SPHK1: variants seen among roughly 807,000 people sequenced by gnomAD.
The protein encoded by SPHK1 is sphingosine kinase 1.
Under a neutral mutation model 14.6 loss-of-function variants are expected in SPHK1, and 10 were observed. The observed-to-expected ratio is 0.68, with a 90% confidence interval of 0.42 to 1.16. The LOEUF is 1.16. Ranked by LOEUF, SPHK1 falls within the 50% of genes most tolerant of loss-of-function variation. SPHK1 has a pLI of 0.00. For missense variants in SPHK1, 553 were observed against 525.4 expected, an observed-to-expected ratio of 1.05 and a Z score of -0.51; for synonymous variants, 274 against 224.0, an observed-to-expected ratio of 1.22 and a Z score of -1.99.
chr17:76,383,939 G>A (rs868758039), upstream of SPHK1: 3 of 1,152,026 alleles, frequency 2.6e-6, no homozygotes, highest in Middle Eastern at 7.6e-4. Context: ...CCTGTCGCCT[G>A]CTCTACCCGG....
At position 76,385,992 on chromosome 17, in the gene SPHK1, C is replaced by T. The variant is rs2071971851; in HGVS notation, c.18C>T (p.Gly6=). 4 of 1,598,394 alleles carry T rather than the reference C, an allele frequency of 2.5e-6. No homozygotes were observed. Among genetic ancestry groups the T allele is most frequent in the Non-Finnish European group, 3.4e-6 (4 of 1,171,630 alleles). ...TTGGTTTTGTTTTCTCAGCGGGCGGCCCCCGGGGCGTGCTCCCGCGGCCCT... is the reference window on the plus strand; with the variant it reads ...TTGGTTTTGTTTTCTCAGCGGGCGGTCCCCGGGGCGTGCTCCCGCGGCCCT... MDPAG[G]PRGVLPRPCR... is the part of the protein sequence containing the mutation. Residue 6 remains glycine, a synonymous_variant, in exon 3 of 6, where the codon GGC becomes GGT. Transcript: ENST00000592299. This position sits in a 1 kb window ranked among gnomAD's most constrained non-coding sequence, Gnocchi z 5.3.
intron 1 of SPHK1, 181 bp downstream of exon 1, chr17:76,384,987 C>A: frequency 1.7e-6 from 2 of 1,207,656 alleles, no homozygotes; most frequent in Non-Finnish European, 2.2e-6. Context: ...CGCGTCGCAA[C>A]GGAGCGGGGC....
chr17:76,383,888 A>G, upstream of SPHK1: 1 of 1,263,148 alleles, frequency 7.9e-7, no homozygotes, highest in Non-Finnish European at 1.0e-6. Context: ...CCCCAGGCCC[A>G]TCTACACTGT....
Position 76,385,809 on chromosome 17 carries a change from G to T in SPHK1, c.10+155G>T. 7.1e-7 allele frequency: 1 copy of T among 1,415,680 alleles called. No homozygotes were observed. The highest frequency in any genetic ancestry group is 9.6e-7 in the Non-Finnish European group (1 of 1,038,700). The allele number at this position is 1,415,680 out of a possible 1,614,324, so 87.7% of individuals were successfully genotyped here. On this transcript the variant is annotated intron_variant, in intron 2 of 5. Transcript: ENST00000592299. The surrounding 1 kb of genome is among the most constrained non-coding windows in gnomAD (Gnocchi z 5.3). ...GCCGGCCGAATCTGAGCCAAGGAAG[G>T]GGGTGGCAGGGGCGCCGCGTCCCCA...
Position 76,385,895 on chromosome 17 carries a change from G to T in SPHK1, c.11-90G>T. On this transcript the variant is annotated intron_variant, in intron 2 of 5. Coordinates refer to ENST00000592299, the MANE Select transcript of SPHK1 (RefSeq NM_001142601.2). The surrounding 1 kb of genome is among the most constrained non-coding windows in gnomAD (Gnocchi z 5.3). ...AGGGTCAATTACCGGGGTGTTTCGG[G>T]CACCAAGTTCCCACACTAGTGCCCC... 6.7e-7 allele frequency: 1 copy of T among 1,499,964 alleles called. No individual in the cohort carries two copies. The allele number at this position is 1,499,964 out of a possible 1,614,324, so 92.9% of individuals were successfully genotyped here.
upstream of SPHK1, chr17:76,383,534 G>A: frequency 7.4e-6 from 2 of 271,424 alleles, no homozygotes; most frequent in South Asian, 5.3e-5. Context: ...AGAGAGGTGT[G>A]TGGGGGCGGG....
chr17:76,383,492 G>T (rs754929189), upstream of SPHK1: 17 of 232,488 alleles, frequency 7.3e-5, no homozygotes, highest in Non-Finnish European at 1.2e-4. Flanking sequence ...GCTCCTCCTG[G>T]ACCTGCCTCT....
At chr17:76,384,539 G>T (rs1430333314), upstream of SPHK1, 2 of 151,142 alleles carry the variant, frequency 1.3e-5, no homozygotes, top group Non-Finnish European at 3.0e-5. Context: ...GCGGGCAGAG[G>T]CCGAGGCCGC....
At chr17:76,384,136 G>A (rs573221824), upstream of SPHK1, 7 of 171,264 alleles carry the variant, frequency 4.1e-5, no homozygotes, top group South Asian at 6.8e-4. Flanking sequence ...CTAGGGCAGA[G>A]CGCGCAAAAG....
In SPHK1 at chr17:76,387,040, G is replaced by A; in HGVS notation, c.609G>A (p.Leu203=). ...TLGTFLRLAA[L]RTYRGRLAYL... ...GCACCTTCCTGCGTCTGGCAGCCCT[G>A]CGCACCTACCGCGGCCGACTGGCCT... Residue 203 remains leucine, a synonymous_variant, in exon 6 of 6, where the codon CTG becomes CTA. Transcript: ENST00000592299. This position sits in a 1 kb window ranked among gnomAD's most constrained non-coding sequence, Gnocchi z 4.1. 1 of 1,613,614 alleles carries A rather than the reference G, an allele frequency of 6.2e-7. No homozygotes were observed. The highest frequency in any genetic ancestry group is 8.5e-7 in the Non-Finnish European group (1 of 1,180,032).
chr17:76,385,546 G>A lies in SPHK1; in HGVS notation c.-99G>A, dbSNP rs765621207. ...CAGCCGGCCCTGCGACGCCCGCCTG[G>A]GCAGCACCGATAAGGAGCTGAAGGC... On this transcript the variant is annotated 5_prime_UTR_variant, in exon 2 of 6. It introduces an in-frame stop codon into an upstream open reading frame of the 5' UTR. Coordinates refer to ENST00000592299, the MANE Select transcript of SPHK1 (RefSeq NM_001142601.2). This position sits in a 1 kb window ranked among gnomAD's most constrained non-coding sequence, Gnocchi z 5.3. The A allele has an allele frequency of 1.3e-6, 2 of 1,540,348 alleles. No individual in the cohort carries two copies. Among genetic ancestry groups the A allele is most frequent in the South Asian group, 1.2e-5 (1 of 84,564 alleles).
Position 76,386,028 on chromosome 17 carries a change from G to T in SPHK1, c.54G>T (p.Leu18=). ...TGCTCCCGCGGCCCTGCCGCGTGCT[G>T]GTGCTGCTGAACCCGCGCGGCGGCA... is the stretch of plus-strand genomic sequence containing the variant. ...RGVLPRPCRV[L]VLLNPRGGKG... The change falls in exon 3 of 6, where the codon CTG becomes CTT. Residue 18 remains leucine (L), a synonymous_variant. Coordinates refer to ENST00000592299, the MANE Select transcript of SPHK1 (RefSeq NM_001142601.2). This position sits in a 1 kb window ranked among gnomAD's most constrained non-coding sequence, Gnocchi z 5.3. 1 of 1,606,568 alleles carries T rather than the reference G, an allele frequency of 6.2e-7. No individual in the cohort carries two copies.
In SPHK1 at chr17:76,385,816, C is replaced by A; in HGVS notation, c.10+162C>A. On this transcript the variant is annotated intron_variant, in intron 2 of 5. Coordinates refer to ENST00000592299, the MANE Select transcript of SPHK1 (RefSeq NM_001142601.2). This position sits in a 1 kb window ranked among gnomAD's most constrained non-coding sequence, Gnocchi z 5.3. ...GAATCTGAGCCAAGGAAGGGGGTGGCAGGGGCGCCGCGTCCCCACCCCAGG... is the reference window on the plus strand; with the variant it reads ...GAATCTGAGCCAAGGAAGGGGGTGGAAGGGGCGCCGCGTCCCCACCCCAGG... The A allele has an allele frequency of 7.0e-7, 1 of 1,420,350 alleles. No individual in the cohort carries two copies. Among genetic ancestry groups the A allele is most frequent in the Non-Finnish European group, 9.6e-7 (1 of 1,043,390 alleles). The allele number at this position is 1,420,350 out of a possible 1,614,324, so 88.0% of individuals were successfully genotyped here.
At position 76,385,937 on chromosome 17, in the gene SPHK1, C is replaced by A; in HGVS notation, c.11-48C>A. ...TAGTGCCCCATTGTTACCCGTGGCC[C>A]CCTAGTGGTCGGTTGCGGACGTGGC... On this transcript the variant is annotated intron_variant, in intron 2 of 5. Coordinates refer to ENST00000592299, the MANE Select transcript of SPHK1 (RefSeq NM_001142601.2). This position sits in a 1 kb window ranked among gnomAD's most constrained non-coding sequence, Gnocchi z 5.3. 6.4e-7 allele frequency: 1 copy of A among 1,558,708 alleles called. No homozygotes were observed. The highest frequency in any genetic ancestry group is 1.2e-5 in the South Asian group (1 of 85,914).
Position 76,387,706 on chromosome 17 carries a change from A to G in SPHK1, c.*120A>G, listed in dbSNP as rs2072021136. On this transcript the variant is annotated 3_prime_UTR_variant, in exon 6 of 6. Coordinates refer to ENST00000592299, the MANE Select transcript of SPHK1 (RefSeq NM_001142601.2). This position sits in a 1 kb window ranked among gnomAD's most constrained non-coding sequence, Gnocchi z 4.1. The stretch of plus-strand genomic sequence containing the variant: ...GGAGACTCCTCTGGAGAAGGGTGAG[A>G]AGGTGGAGGCTATGCTTTGGGGGGA... 6 of 1,168,528 alleles carry G rather than the reference A, an allele frequency of 5.1e-6. No homozygotes were observed. In the South Asian group the frequency reaches 9.8e-5, roughly 19 times the overall value. 72.4% of individuals were successfully genotyped at this position (1,168,528 alleles called of 1,614,324 possible).
rs570969878 is a variant in SPHK1 at position 76,385,773 on chromosome 17, C to T, written c.10+119C>T. ...CGATCGGGAGAAACATTATCCCTCA[C>T]GAGGCCAGAAGCCGGCCGAATCTGA... On this transcript the variant is annotated intron_variant, in intron 2 of 5. Transcript: ENST00000592299. The surrounding 1 kb of genome is among the most constrained non-coding windows in gnomAD (Gnocchi z 5.3). The T allele has an allele frequency of 2.5e-5, 35 of 1,421,530 alleles. No homozygotes were observed. The highest frequency in any genetic ancestry group is 3.1e-5 in the Non-Finnish European group (32 of 1,043,928). 88.1% of individuals were successfully genotyped at this position (1,421,530 alleles called of 1,614,324 possible).
chr17:76,385,392 C>G lies in SPHK1; in HGVS notation c.-194-59C>G, dbSNP rs1321061514. 6.8e-7 allele frequency: 1 copy of G among 1,464,090 alleles called. No homozygotes were observed. Among genetic ancestry groups the G allele is most frequent in the Non-Finnish European group, 9.0e-7 (1 of 1,111,122 alleles). The allele number at this position is 1,464,090 out of a possible 1,614,324, so 90.7% of individuals were successfully genotyped here. Reference sequence around the variant, plus strand: ...CGTGGTCCCGGGATTTAGTCGGGCGCTCCCCACCTCTGGCAGCTGCGGCCC... The same window carrying G: ...CGTGGTCCCGGGATTTAGTCGGGCGGTCCCCACCTCTGGCAGCTGCGGCCC... On this transcript the variant is annotated intron_variant, in intron 1 of 5. Coordinates refer to ENST00000592299, the MANE Select transcript of SPHK1 (RefSeq NM_001142601.2). The surrounding 1 kb of genome is among the most constrained non-coding windows in gnomAD (Gnocchi z 5.3).
upstream of SPHK1, chr17:76,383,710 G>T: frequency 1.6e-6 from 1 of 613,136 alleles, no homozygotes. Flanking sequence ...GACACGTTCT[G>T]TGGCTTGCCG....
At chr17:76,383,380 C>T (rs938230706), upstream of SPHK1, 1 of 156,642 alleles carries the variant, frequency 6.4e-6, no homozygotes, top group Non-Finnish European at 1.4e-5. Flanking sequence ...TCTGACCCCC[C>T]AAGTGTTGGG....
Sources: gnomAD v4.1 joint callset for allele counts on GRCh38, gnomAD v4.1.1 for gene constraint, Gnocchi (gnomAD v3.1) non-coding constraint, MANE v1.5 for transcripts, NCBI Gene and HGNC (gene_info 2026-07-23, HGNC 2026-07-21) for gene names.